Variants in KNL1 observed in about 807,000 individuals in gnomAD.
KNL1 encodes the protein outer kinetochore KNL1 complex subunit KNL1.
In KNL1, 66 loss-of-function variants were observed where a neutral mutation model predicts 201.3. That is an observed-to-expected ratio of 0.33 (90% confidence interval 0.27 to 0.40). The LOEUF is 0.40. Ranked by LOEUF, KNL1 falls within the 10% of genes least tolerant of loss-of-function variation. The probability of loss-of-function intolerance (pLI) is 1.00; values close to 1 mark genes in which losing one functional copy is unlikely to be tolerated. For missense variants in KNL1, 2,815 were observed against 2,690.5 expected, an observed-to-expected ratio of 1.05 and a Z score of -1.02; for synonymous variants, 895 against 899.2, an observed-to-expected ratio of 1.00 and a Z score of 0.08.
intron 13 of KNL1, among the ~76,000 whole-genome samples, chr15:40,638,250 AGGGGGG>A (rs1373006288): frequency 8.2e-5 from 3 of 36,532 alleles, no homozygotes; most frequent in Non-Finnish European, 1.5e-4. Context: ...AGGGGAAGGG[AGGGGGG>A]AGGGGGAGGG....
At position 40,624,537 on chromosome 15, in the gene KNL1, C is replaced by T. The variant is rs372548776; in HGVS notation, c.4273C>T (p.Leu1425Phe). The T allele has an allele frequency of 5.0e-6, 8 of 1,613,670 alleles. No individual in the cohort carries two copies. Among genetic ancestry groups the T allele is most frequent in the Non-Finnish European group, 6.8e-6 (8 of 1,179,872 alleles). ...KLNSKRVSFK[L>F]PKDQMKVYVD... ...TAATTCAAAGCGAGTATCTTTTAAG[C>T]TTCCAAAGGATCAAATGAAAGTCTA... is the stretch of plus-strand genomic sequence containing the variant. Residue 1425 changes from leucine (L) to phenylalanine (F), a missense_variant, in exon 10 of 26, where the codon CTT becomes TTT. By Grantham distance (22) the Leu-to-Phe change is conservative (BLOSUM62 0). Coordinates refer to ENST00000399668, the MANE Select transcript of KNL1 (RefSeq NM_144508.5).
Position 40,644,980 on chromosome 15 carries a change from A to C in KNL1, c.5799-17A>C. On this transcript the variant is annotated splice_polypyrimidine_tract_variant and intron_variant, in intron 14 of 25. Coordinates refer to ENST00000399668, the MANE Select transcript of KNL1 (RefSeq NM_144508.5). ...TTTCTTTTCCCTACAGTGCTAATTA[A>C]CTTTTCCGTATTTTAGATTAAAGCT... is the stretch of plus-strand genomic sequence containing the variant. 1 of 1,562,764 alleles carries C rather than the reference A, an allele frequency of 6.4e-7. No individual in the cohort carries two copies. Among genetic ancestry groups the C allele is most frequent in the Non-Finnish European group, 8.8e-7 (1 of 1,136,156 alleles).
rs747534181 is a variant in KNL1 at position 40,608,904 on chromosome 15, A to G, written c.193A>G (p.Ile65Val). ...NSRRVSFADT[I>V]KVFQTESHMK... ...TCGTCGAGTCAGCTTTGCAGATACT[A>G]TAAAGTAAGTTGAAAGCAGAAATAA... Residue 65 changes from isoleucine (I) to valine (V), a missense_variant, in exon 5 of 26, where the codon ATA becomes GTA. By Grantham distance (29) the Ile-to-Val change is conservative. Around this residue, in one of 3 missense-constraint regions of KNL1, gnomAD observed 2,464 missense variants for 2,291.7 expected, o/e 1.08. Transcript: ENST00000399668. 4 of 1,607,528 alleles carry G rather than the reference A, an allele frequency of 2.5e-6. No homozygotes were observed. The highest frequency in any genetic ancestry group is 2.7e-5 in the African/African-American group (2 of 74,898).
At chr15:40,613,530 TAAAGG>T (rs1400575781) in intron 7 of KNL1, among the ~76,000 whole-genome samples, 2 of 152,110 alleles carry the variant, frequency 1.3e-5, no homozygotes, top group Admixed American at 1.3e-4. Context: ...CAACAGAACT[TAAAGG>T]AAAAATAATT....
intron 1 of KNL1, among the ~76,000 whole-genome samples, chr15:40,595,627 T>C (rs947867399): frequency 1.4e-4 from 22 of 152,338 alleles, no homozygotes; most frequent in Admixed American, 1.0e-3. Context: ...ACTCTAGATA[T>C]TGCCAGTAAA....
chr15:40,617,073 C>T (rs11852828), intron 8 of KNL1, among the ~76,000 whole-genome samples: 59,362 of 151,904 alleles, frequency 0.39, 11,783 homozygotes, highest in Middle Eastern at 0.47. Flanking sequence ...CTCAGCCTCC[C>T]GAGTAGCTGG....
At chr15:40,603,032 A>G (rs1891858264) in intron 2 of KNL1, 66 bp downstream of exon 2, 4 of 1,034,642 alleles carry the variant, frequency 3.9e-6, no homozygotes, top group African/African-American at 3.2e-5. Flanking sequence ...TCTAATTAGT[A>G]AGACCTATCC....
chr15:40,601,806 C>G (rs1471953912), intron 1 of KNL1, among the ~76,000 whole-genome samples: 1 of 124,008 alleles, frequency 8.1e-6, no homozygotes, highest in Admixed American at 9.2e-5. Context: ...CCAGCCTGGG[C>G]GACAGAGCCA....
At chr15:40,619,377 T>TA (rs1892443613) in intron 9 of KNL1, among the ~76,000 whole-genome samples, 2 of 149,812 alleles carry the variant, frequency 1.3e-5, no homozygotes, top group Non-Finnish European at 3.0e-5. Context: ...TATATATATA[T>TA]TTTAGGCTAT....
chr15:40,596,266 A>C (rs1401173452), intron 1 of KNL1, among the ~76,000 whole-genome samples: 1 of 152,134 alleles, frequency 6.6e-6, no homozygotes, highest in Non-Finnish European at 1.5e-5. Context: ...GATATTTTAA[A>C]TTTTATTTAT....
intron 9 of KNL1, among the ~76,000 whole-genome samples, 178 bp from the exon 10 acceptor site, chr15:40,620,462 C>T (rs986424124): frequency 2.0e-5 from 3 of 152,216 alleles, no homozygotes; most frequent in South Asian, 4.1e-4. Context: ...CCACCCACCT[C>T]GGCTTCCCAA....
In KNL1 at chr15:40,628,228, T is replaced by G. The variant is rs1245387519; in HGVS notation, c.5515+20T>G. The G allele has an allele frequency of 6.4e-7, 1 of 1,568,302 alleles. No homozygotes were observed. Among genetic ancestry groups the G allele is most frequent in the Non-Finnish European group, 8.6e-7 (1 of 1,164,126 alleles). ...TCAGCAGTAAGAGCTTCATGAAGGC[T>G]AAATAATAGCAGCCATCTGCTTACT... is the stretch of plus-strand genomic sequence containing the variant. On this transcript the variant is annotated intron_variant, in intron 11 of 25. Transcript: ENST00000399668.
At chr15:40,655,476 A>G (rs1893696064) in intron 22 of KNL1, among the ~76,000 whole-genome samples, 1 of 151,592 alleles carries the variant, frequency 6.6e-6, no homozygotes, top group African/African-American at 2.4e-5. Context: ...CTGTAATCCC[A>G]GCTACTCAGG....
chr15:40,609,228 C>T (rs1005122569), intron 5 of KNL1, among the ~76,000 whole-genome samples: 1 of 137,346 alleles, frequency 7.3e-6, no homozygotes, highest in Non-Finnish European at 1.5e-5. Context: ...AGCAACTTAG[C>T]GAGATCCCAT....
At chr15:40,600,565 G>A (rs1348003749) in intron 1 of KNL1, among the ~76,000 whole-genome samples, 1 of 152,210 alleles carries the variant, frequency 6.6e-6, no homozygotes, top group East Asian at 1.9e-4. Flanking sequence ...CCAGCACTTT[G>A]GAAGGCAGAG....
chr15:40,654,090 T>C (rs527254834), intron 21 of KNL1, among the ~76,000 whole-genome samples: 1 of 152,216 alleles, frequency 6.6e-6, no homozygotes, highest in Non-Finnish European at 1.5e-5. Flanking sequence ...GTTTTTCTCA[T>C]GGTATCCACA....
intron 5 of KNL1, among the ~76,000 whole-genome samples, chr15:40,609,760 T>C (rs1424461178): frequency 2.0e-5 from 3 of 152,170 alleles, no homozygotes; most frequent in Admixed American, 2.0e-4. Flanking sequence ...TTTAGGTGAT[T>C]GAGAGGGATA....
rs1284301192 is a variant in KNL1 at position 40,662,361 on chromosome 15, G to T, written c.*173G>T. On this transcript the variant is annotated 3_prime_UTR_variant, in exon 26 of 26. Coordinates refer to ENST00000399668, the MANE Select transcript of KNL1 (RefSeq NM_144508.5). ...ATCTCTGCAGAATGATGGTGATGAA[G>T]TCTGGATGGTAGGCCTCATAGCCTA... 1 of 540,480 alleles carries T rather than the reference G, an allele frequency of 1.9e-6. No homozygotes were observed. Among genetic ancestry groups the T allele is most frequent in the South Asian group, 2.4e-5 (1 of 41,430 alleles). 33.5% of individuals were successfully genotyped at this position (540,480 alleles called of 1,614,324 possible). A position where few individuals can be genotyped will look rare whatever the true frequency, so the allele number is the denominator to read the frequency against.
chr15:40,623,361 A>T lies in KNL1; in HGVS notation c.3097A>T (p.Asn1033Tyr). ...TAGGGGCCCTGTAGAGGTAGCTGATAACATGGAATTGTCTAAATCAGCCAC... is the reference window on the plus strand; with the variant it reads ...TAGGGGCCCTGTAGAGGTAGCTGATTACATGGAATTGTCTAAATCAGCCAC... ...NNRGPVEVAD[N>Y]MELSKSATCK... The change falls in exon 10 of 26, where the codon AAC becomes TAC. Residue 1033 changes from asparagine to tyrosine, a missense_variant. Transcript: ENST00000399668. 1.2e-6 allele frequency: 2 copies of T among 1,614,032 alleles called. No individual in the cohort carries two copies. Among genetic ancestry groups the T allele is most frequent in the Non-Finnish European group, 1.7e-6 (2 of 1,179,920 alleles).
Sources: gnomAD v4.1 joint callset for allele counts (sites outside exome capture counted in the v4.1 genomes callset) on GRCh38, gnomAD v4.1.1 for gene constraint, gnomAD v4.1.1 regional missense constraint, MANE v1.5 for transcripts, NCBI Gene and HGNC (gene_info 2026-07-23, HGNC 2026-07-21) for gene names.